DNASE1L3: variants seen among roughly 807,000 people sequenced by gnomAD.
DNASE1L3 encodes the protein deoxyribonuclease 1L3.
In DNASE1L3, 27 loss-of-function variants were observed where a neutral mutation model predicts 30.9. The observed-to-expected ratio is 0.87, with a 90% confidence interval of 0.64 to 1.20. The LOEUF is 1.20. DNASE1L3 is among the 50% of genes most tolerant of loss of function. The pLI is 0.00. For synonymous variants in DNASE1L3, 135 were observed against 138.0 expected (o/e 0.98, Z 0.15); for missense variants, 364 against 378.2 (o/e 0.96, Z 0.31).
chr3:58,200,951 G>A lies in DNASE1L3; in HGVS notation c.546+46C>T. 1 of 1,525,212 alleles carries A rather than the reference G, an allele frequency of 6.6e-7. No individual in the cohort carries two copies. The highest frequency in any genetic ancestry group is 9.0e-7 in the Non-Finnish European group (1 of 1,106,474). The allele number at this position is 1,525,212 out of a possible 1,614,324, so 94.5% of individuals were successfully genotyped here. Reference sequence around the variant, plus strand: ...GTACTCATCCCACTCAGGGACCAGAGCCTGCCCCTGCTAGATGGGAATTCG... The same window carrying A: ...GTACTCATCCCACTCAGGGACCAGAACCTGCCCCTGCTAGATGGGAATTCG... On this transcript the variant is annotated intron_variant, in intron 5 of 7. Coordinates refer to ENST00000394549, the MANE Select transcript of DNASE1L3 (RefSeq NM_004944.4). The surrounding 1 kb of genome is among the most constrained non-coding windows in gnomAD (Gnocchi z 4.2).
intron 6 of DNASE1L3, among the ~76,000 whole-genome samples, chr3:58,194,654 C>T (rs1298250056): frequency 7.5e-6 from 1 of 132,802 alleles, no homozygotes; most frequent in Non-Finnish European, 1.5e-5. Context: ...GAGACGGAGT[C>T]TCTCTGTGTC....
At chr3:58,193,505 T>A (rs2107365918) in intron 6 of DNASE1L3, 66 bp from the exon 7 acceptor site, 2 of 1,401,736 alleles carry the variant, frequency 1.4e-6, no homozygotes, top group South Asian at 2.5e-5. Context: ...CAAACCAAGG[T>A]CTGTGTTTGC....
intron 1 of DNASE1L3, among the ~76,000 whole-genome samples, chr3:58,209,832 C>T (rs543105467): frequency 6.6e-6 from 1 of 152,202 alleles, no homozygotes; most frequent in African/African-American, 2.4e-5. Flanking sequence ...GGGCTCCTGG[C>T]CCCCCTACCA....
chr3:58,206,856 G>A (rs568944497), intron 2 of DNASE1L3, among the ~76,000 whole-genome samples: 2 of 152,252 alleles, frequency 1.3e-5, no homozygotes, highest in South Asian at 4.2e-4. Flanking sequence ...TCCTGGCTGG[G>A]TAACTCAGGC....
At chr3:58,196,470 G>T (rs533926687) in intron 6 of DNASE1L3, among the ~76,000 whole-genome samples, 5 of 149,426 alleles carry the variant, frequency 3.3e-5, no homozygotes, top group Middle Eastern at 3.2e-3. Context: ...GGAGAATGGC[G>T]TGAACCCGGG....
intron 6 of DNASE1L3, among the ~76,000 whole-genome samples, chr3:58,195,240 A>G (rs1326153569): frequency 2.0e-5 from 3 of 152,136 alleles, no homozygotes; most frequent in Non-Finnish European, 4.4e-5. Context: ...TTAAAACATC[A>G]TTTTTATGGC....
chr3:58,200,751 C>G lies in DNASE1L3; in HGVS notation c.546+246G>C, dbSNP rs570655669. Among the ~76,000 whole-genome samples, 1 of 152,328 alleles carries G rather than the reference C, an allele frequency of 6.6e-6. No individual in the cohort carries two copies. The highest frequency in any genetic ancestry group is 1.9e-4 in the East Asian group (1 of 5,188). On this transcript the variant is annotated intron_variant, in intron 5 of 7. Transcript: ENST00000394549. This position sits in a 1 kb window ranked among gnomAD's most constrained non-coding sequence, Gnocchi z 4.2. ...CAGTGCCTGGCACTAGCTATTCACT[C>G]AGTAAATGTTGGCATCTGTTATTAA...
chr3:58,195,366 T>A (rs891840661), intron 6 of DNASE1L3, among the ~76,000 whole-genome samples: 1 of 152,128 alleles, frequency 6.6e-6, no homozygotes, highest in Non-Finnish European at 1.5e-5. Flanking sequence ...CATGTGATCA[T>A]GTTGCTCTAA....
intron 1 of DNASE1L3, 133 bp from the exon 2 acceptor site, chr3:58,208,439 A>AG (rs1427274908): frequency 4.4e-6 from 4 of 900,626 alleles, no homozygotes; most frequent in Non-Finnish European, 6.9e-6. Context: ...AACTAAATGA[A>AG]GGACTCCCTG....
Position 58,192,730 on chromosome 3 carries a change from T to A in DNASE1L3, c.875A>T (p.Lys292Ile), listed in dbSNP as rs2097394956. 1 of 1,614,146 alleles carries A rather than the reference T, an allele frequency of 6.2e-7. No homozygotes were observed. Among genetic ancestry groups the A allele is most frequent in the East Asian group, 2.2e-5 (1 of 44,886 alleles). Reference protein sequence around the residue: ...QSSRAFTNSKKSVTLRKKTKS... With the variant: ...QSSRAFTNSKISVTLRKKTKS... ...TGTTTTCTTCCTTAGAGTGACAGAT[T>A]TTTTGCTGTTGGTGAAGGCCCTTGA... is the stretch of plus-strand genomic sequence containing the variant. The change falls in exon 8 of 8, where the codon AAA becomes ATA. Residue 292 changes from lysine to isoleucine, a missense_variant. Transcript: ENST00000394549. The surrounding 1 kb of genome is among the most constrained non-coding windows in gnomAD (Gnocchi z 4.8).
intron 1 of DNASE1L3, among the ~76,000 whole-genome samples, chr3:58,210,401 T>G (rs2097407003): frequency 6.6e-6 from 1 of 152,190 alleles, no homozygotes. Context: ...ATAGTCCCTC[T>G]TCATAAAGAT....
Position 58,201,082 on chromosome 3 carries a change from A to G in DNASE1L3, c.461T>C (p.Leu154Pro). The change falls in exon 5 of 8, where the codon CTG becomes CCG. Residue 154 changes from leucine to proline, a missense_variant. Physicochemically the swap from Leu to Pro is moderately conservative, Grantham distance 98. Transcript: ENST00000394549. ...TAVKDFVIIPLHTTPETSVKE... is the reference protein window; with the variant it reads ...TAVKDFVIIPPHTTPETSVKE... ...AACGGATGTCTCTGGGGTGGTGTGC[A>G]GGGGGATAATCACGAAGTCTTTGAC... is the stretch of plus-strand genomic sequence containing the variant. The G allele has an allele frequency of 6.2e-7, 1 of 1,610,966 alleles. No homozygotes were observed. Among genetic ancestry groups the G allele is most frequent in the Non-Finnish European group, 8.5e-7 (1 of 1,178,082 alleles).
Position 58,197,808 on chromosome 3 carries a change from C to T in DNASE1L3, c.704+13G>A, listed in dbSNP as rs778772981. 2.5e-6 allele frequency: 4 copies of T among 1,613,326 alleles called. No individual in the cohort carries two copies. Among genetic ancestry groups the T allele is most frequent in the East Asian group, 4.5e-5 (2 of 44,892 alleles). ...ACTGTGGTGAGCCAGCAGCACCCTG[C>T]AGGGCCTCCTACCTGTCATATGCAC... On this transcript the variant is annotated intron_variant, in intron 6 of 7. Coordinates refer to ENST00000394549, the MANE Select transcript of DNASE1L3 (RefSeq NM_004944.4). The surrounding 1 kb of genome is among the most constrained non-coding windows in gnomAD (Gnocchi z 5.3).
chr3:58,209,179 G>A (rs931598320), intron 1 of DNASE1L3, among the ~76,000 whole-genome samples: 3 of 152,222 alleles, frequency 2.0e-5, no homozygotes, highest in Non-Finnish European at 2.9e-5. Context: ...TGAGTGCCCT[G>A]TAGGGTAGCT....
chr3:58,195,427 A>T (rs967984446), intron 6 of DNASE1L3, among the ~76,000 whole-genome samples: 3 of 151,890 alleles, frequency 2.0e-5, no homozygotes, highest in Non-Finnish European at 4.4e-5. Flanking sequence ...CCTCCCAAGT[A>T]GCTGGGATTA....
intron 6 of DNASE1L3, 102 bp from the exon 7 acceptor site, chr3:58,193,541 G>T: frequency 1.0e-6 from 1 of 998,226 alleles, no homozygotes; most frequent in Non-Finnish European, 1.5e-6. Context: ...GAGCAGTCTG[G>T]CCCTTTCATG....
intron 1 of DNASE1L3, 64 bp from the exon 2 acceptor site, chr3:58,208,370 T>G (rs2097405437): frequency 6.5e-7 from 1 of 1,531,612 alleles, no homozygotes; most frequent in Non-Finnish European, 9.0e-7. Flanking sequence ...AACCTTTTAT[T>G]GGACACTTAC....
intron 7 of DNASE1L3, 117 bp downstream of exon 7, chr3:58,193,226 A>G: frequency 2.8e-6 from 4 of 1,432,786 alleles, no homozygotes; most frequent in Non-Finnish European, 1.9e-6. Flanking sequence ...ATAGGCATGC[A>G]TCACCATGCC....
At chr3:58,194,623 G>A (rs1333686714) in intron 6 of DNASE1L3, among the ~76,000 whole-genome samples, 12 of 130,104 alleles carry the variant, frequency 9.2e-5, no homozygotes, top group African/African-American at 3.2e-4. Context: ...CCAGGGCTAC[G>A]GCTTTTTTTT....
Sources: gnomAD v4.1 joint callset for allele counts (sites outside exome capture counted in the v4.1 genomes callset) on GRCh38, gnomAD v4.1.1 for gene constraint, Gnocchi (gnomAD v3.1) non-coding constraint, MANE v1.5 for transcripts, NCBI Gene and HGNC (gene_info 2026-07-23, HGNC 2026-07-21) for gene names.